Variants in MACF1 observed in about 807,000 individuals in gnomAD.
MACF1 encodes microtubule actin crosslinking factor 1.
MACF1 carries 193 observed loss-of-function variants against 854.8 expected under a neutral mutation model. The observed-to-expected ratio is 0.23, with a 90% CI of 0.20 to 0.25. The LOEUF is 0.25. Among genes scored for constraint, MACF1 ranks in the 10% least tolerant of loss-of-function variants. The pLI is 1.00. For synonymous variants in MACF1, 3,185 were observed against 3,226.7 expected (o/e 0.99, Z 0.44); for missense variants, 7,722 against 8,929.1 (o/e 0.86, Z 5.45).
chr1:39,373,447 A>G (rs1649428639), intron 52 of MACF1: 1 of 148,598 alleles, frequency 6.7e-6, no homozygotes, highest in Admixed American at 6.8e-5. Flanking sequence ...AGCCTGGGCA[A>G]CAGACAGAGT....
intron 2 of MACF1, among the ~76,000 whole-genome samples, chr1:39,126,189 G>T (rs1234887323): frequency 1.3e-5 from 2 of 152,198 alleles, no homozygotes; most frequent in East Asian, 1.9e-4. Flanking sequence ...AAATCAAGTT[G>T]TCAGCAGAGT....
intron 58 of MACF1, among the ~76,000 whole-genome samples, chr1:39,408,193 C>G (rs1219873775): frequency 6.6e-6 from 1 of 152,156 alleles, no homozygotes; most frequent in Admixed American, 6.5e-5. Flanking sequence ...TCCCCACCTC[C>G]CCCAACACCC....
rs3116393 is a variant in MACF1, at chr1:39,330,988, C to T, written c.4615-215C>T. 5.8e-3 allele frequency: 2,834 copies of T among 490,072 alleles called. 36 individuals carry two copies. Among genetic ancestry groups the T allele is most frequent in the Middle Eastern group, 0.022 (39 of 1,738 alleles). 30.4% of individuals were successfully genotyped at this position (490,072 alleles called of 1,614,324 possible). On this transcript the variant is annotated intron_variant, in intron 36 of 100. Coordinates refer to ENST00000564288, the MANE Select transcript of MACF1 (RefSeq NM_001394062.1). ...TAATATTTTGTATTTTTAGTAGAGA[C>T]GGGTTTTTCACCATGTTGGTCAGGC...
At chr1:39,319,965 T>G (rs573099070) in intron 31 of MACF1, among the ~76,000 whole-genome samples, 2 of 152,308 alleles carry the variant, frequency 1.3e-5, no homozygotes, top group African/African-American at 4.8e-5. Flanking sequence ...GAGTCTCCAT[T>G]TGCGTGACCG....
intron 44 of MACF1, among the ~76,000 whole-genome samples, chr1:39,354,588 A>T (rs1647365354): frequency 6.6e-6 from 1 of 152,054 alleles, no homozygotes. Context: ...TATTTTTAGT[A>T]GAGATGGGGT....
At chr1:39,411,656 T>C (rs770483656) in intron 58 of MACF1, 16 of 1,613,936 alleles carry the variant, frequency 9.9e-6, no homozygotes, top group Non-Finnish European at 1.7e-6. Flanking sequence ...ACAGACTCAG[T>C]GCAGATGTTT....
At chr1:39,461,791 C>CAAA (rs59393084) in intron 92 of MACF1, 92 bp from the exon 93 acceptor site, 33 of 350,868 alleles carry the variant, frequency 9.4e-5, no homozygotes, top group South Asian at 2.9e-4. Context: ...GACCTTGTCT[C>CAAA]AAAAAAAAAA....
intron 83 of MACF1, 108 bp downstream of exon 83, chr1:39,448,260 G>A: frequency 7.8e-7 from 1 of 1,278,674 alleles, no homozygotes; most frequent in Non-Finnish European, 1.1e-6. Context: ...ATTGGTTAAT[G>A]TTTAAAAGTC....
At chr1:39,200,623 C>T (rs1289092736), upstream of MACF1, among the ~76,000 whole-genome samples, 1 of 151,744 alleles carries the variant, frequency 6.6e-6, no homozygotes, top group Non-Finnish European at 1.5e-5. Context: ...CACTTGAACC[C>T]GGTAGGTGGA....
intron 17 of MACF1, 114 bp downstream of exon 17, chr1:39,292,957 A>G (rs1645825721): frequency 1.3e-6 from 1 of 744,954 alleles, no homozygotes; most frequent in African/African-American, 1.8e-5. Context: ...TTTTCTGCTT[A>G]TTAGGTTATA....
chr1:39,444,883 T>C (rs374626504), intron 80 of MACF1, 48 bp downstream of exon 80: 7 of 1,470,754 alleles, frequency 4.8e-6, no homozygotes, highest in Non-Finnish European at 5.5e-6. Context: ...AGTGATTGCA[T>C]GTATAATAAT....
Position 39,246,992 on chromosome 1 carries a change from C to T in MACF1, c.172-3022C>T, listed in dbSNP as rs140330200. Among the ~76,000 whole-genome samples, 247 of 150,402 alleles carry T rather than the reference C, an allele frequency of 1.6e-3. 2 individuals carry two copies. The highest frequency in any genetic ancestry group is 5.7e-3 in the African/African-American group (233 of 40,856). On this transcript the variant is annotated intron_variant, in intron 2 of 100. Coordinates refer to ENST00000564288, the MANE Select transcript of MACF1 (RefSeq NM_001394062.1). ...TCTTGGCTCACTGCAACCTCTGTCTCTGAGGTTCAAGGGATTCTCCTGTCT... is the reference window on the plus strand; with the variant it reads ...TCTTGGCTCACTGCAACCTCTGTCTTTGAGGTTCAAGGGATTCTCCTGTCT...
At chr1:39,476,125 T>C (rs1260712916) in intron 97 of MACF1, among the ~76,000 whole-genome samples, 1 of 152,234 alleles carries the variant, frequency 6.6e-6, no homozygotes, top group Non-Finnish European at 1.5e-5. Flanking sequence ...ATGAAGTAAA[T>C]TTAATATACT....
intron 58 of MACF1, among the ~76,000 whole-genome samples, chr1:39,396,580 C>CT (rs1642284021): frequency 6.6e-6 from 1 of 152,204 alleles, no homozygotes; most frequent in Non-Finnish European, 1.5e-5. Context: ...CAGAAAAGGA[C>CT]TGATCCTCAC....
In MACF1 at chr1:39,105,369, G is replaced by A; in HGVS notation, c.220+20931G>A. On this transcript the variant is annotated intron_variant, in intron 2 of 93. Transcript: ENST00000361689. This position sits in a 1 kb window ranked among gnomAD's most constrained non-coding sequence, Gnocchi z 5.9. ...GCAGCCGCGCCGGGGCGGGCTGAGG[G>A]AGGAGCGGAGCCGAGGGGTGAGGAC... 1 of 980,580 alleles carries A rather than the reference G, an allele frequency of 1.0e-6. No individual in the cohort carries two copies. Among genetic ancestry groups the A allele is most frequent in the South Asian group, 4.7e-5 (1 of 21,386 alleles). 60.7% of individuals were successfully genotyped at this position (980,580 alleles called of 1,614,324 possible).
At position 39,358,560 on chromosome 1, in the gene MACF1, A is replaced by G. The variant is rs1647796240; in HGVS notation, c.11944-137A>G. The G allele has an allele frequency of 1.0e-4, 76 of 743,318 alleles. 1 individual carries two copies. In the South Asian group the frequency reaches 1.2e-3, roughly 12 times the overall value. The allele number at this position is 743,318 out of a possible 1,614,324, so 46.0% of individuals were successfully genotyped here. A position where few individuals can be genotyped will look rare whatever the true frequency, so the allele number is the denominator to read the frequency against. ...ACTTAGAGATCATTGCTACCCATCT[A>G]TCCATGGGTTCTGGCAATACCCTTA... On this transcript the variant is annotated intron_variant, in intron 45 of 100. Transcript: ENST00000564288.
At chr1:39,401,243 C>T (rs1473157039) in intron 58 of MACF1, among the ~76,000 whole-genome samples, 1 of 152,150 alleles carries the variant, frequency 6.6e-6, no homozygotes, top group Non-Finnish European at 1.5e-5. Flanking sequence ...AAATCATTAA[C>T]CAGAATTAAC....
intron 2 of MACF1, among the ~76,000 whole-genome samples, chr1:39,152,466 G>A (rs1316415353): frequency 6.6e-6 from 1 of 152,130 alleles, no homozygotes; most frequent in East Asian, 1.9e-4. Flanking sequence ...GACAAGTACA[G>A]AAAATGTATA....
chr1:39,477,073 A>ATACACACACATATATACACTTAGTG (rs1557674975), intron 97 of MACF1, among the ~76,000 whole-genome samples: 828 of 37,804 alleles, frequency 0.022, 43 homozygotes, highest in South Asian at 0.035. Context: ...ATATATATAT[A>ATACACACACATATATACACTTAGTG]TATATATATA....
Sources: gnomAD v4.1 joint callset for allele counts (sites outside exome capture counted in the v4.1 genomes callset) on GRCh38, gnomAD v4.1.1 for gene constraint, Gnocchi (gnomAD v3.1) non-coding constraint, MANE v1.5 for transcripts, NCBI Gene and HGNC (gene_info 2026-07-23, HGNC 2026-07-21) for gene names.